CPA6: variants seen among roughly 807,000 people sequenced by gnomAD.
The protein encoded by CPA6 is carboxypeptidase B.
CPA6 carries 58 observed loss-of-function variants against 63.3 expected under a neutral mutation model. The ratio of observed to expected loss-of-function variants is 0.92; its 90% CI spans 0.74 to 1.14. The LOEUF is 1.14. Among genes scored for constraint, CPA6 ranks in the 50% most tolerant of loss-of-function variants. The probability of loss-of-function intolerance (pLI) is 0.00; values close to 1 mark genes in which losing one functional copy is unlikely to be tolerated. For missense variants in CPA6, 565 were observed against 526.6 expected, an observed-to-expected ratio of 1.07 and a Z score of -0.71; for synonymous variants, 185 against 179.0, an observed-to-expected ratio of 1.03 and a Z score of -0.27.
chr8:67,444,854 G>A (rs891838155), intron 8 of CPA6, among the ~76,000 whole-genome samples: 2 of 151,946 alleles, frequency 1.3e-5, no homozygotes, highest in East Asian at 1.9e-4. Context: ...AAAGAGGCAA[G>A]GAGTATAACA....
In CPA6 at chr8:67,511,598, C is replaced by G. The variant is rs911302349; in HGVS notation, c.375G>C (p.Gln125His). The change falls in exon 4 of 11, where the codon CAG becomes CAC. Residue 125 changes from glutamine to histidine, a missense_variant. Physicochemically the swap from Gln to His is conservative, Grantham distance 24 (BLOSUM62 0). Coordinates refer to ENST00000297770, the MANE Select transcript of CPA6 (RefSeq NM_020361.5). Reference sequence around the variant, plus strand: ...ATCCAGAGAGGGATCTTCGGTTTCTCTGGGTGTGCAAGCTGCTTCCCTTCT... The same window carrying G: ...ATCCAGAGAGGGATCTTCGGTTTCTGTGGGTGTGCAAGCTGCTTCCCTTCT... Reference protein sequence around the residue: ...TLEKGSSLHTQRNRRSLSGYN... With the variant: ...TLEKGSSLHTHRNRRSLSGYN... 6.2e-7 allele frequency: 1 copy of G among 1,613,046 alleles called. No homozygotes were observed. The highest frequency in any genetic ancestry group is 8.5e-7 in the Non-Finnish European group (1 of 1,179,116).
intron 2 of CPA6, among the ~76,000 whole-genome samples, chr8:67,541,370 GCAGA>G (rs1174824032): frequency 6.6e-6 from 1 of 152,074 alleles, no homozygotes; most frequent in Non-Finnish European, 1.5e-5. Context: ...AAATCCACAA[GCAGA>G]CAGCCCAGCA....
intron 1 of CPA6, among the ~76,000 whole-genome samples, chr8:67,743,084 C>T (rs1054425438): frequency 3.3e-5 from 5 of 152,122 alleles, no homozygotes; most frequent in African/African-American, 9.7e-5. Flanking sequence ...CACTTACTGA[C>T]GGACATTTAT....
chr8:67,616,614 T>C (rs1814959517), intron 2 of CPA6, among the ~76,000 whole-genome samples: 1 of 151,780 alleles, frequency 6.6e-6, no homozygotes, highest in African/African-American at 2.4e-5. Flanking sequence ...GACTCTCTTG[T>C]ACATACCTTA....
intron 2 of CPA6, among the ~76,000 whole-genome samples, chr8:67,600,179 A>T (rs1814456843): frequency 6.6e-6 from 1 of 152,062 alleles, no homozygotes; most frequent in Admixed American, 6.6e-5. Context: ...CAGCCAAAAG[A>T]CACATGAAAA....
chr8:67,483,673 C>A (rs747500092), intron 8 of CPA6, 95 bp downstream of exon 8: 1 of 979,252 alleles, frequency 1.0e-6, no homozygotes, highest in Non-Finnish European at 1.7e-6. Flanking sequence ...TACAGAAAAA[C>A]ATGAGTCTCC....
chr8:67,554,214 C>T (rs149877881), intron 2 of CPA6, among the ~76,000 whole-genome samples: 2 of 152,196 alleles, frequency 1.3e-5, no homozygotes, highest in African/African-American at 2.4e-5. Context: ...AATTGGCTCA[C>T]GATTCTGCAG....
chr8:67,659,390 C>T (rs1050543299), intron 1 of CPA6, among the ~76,000 whole-genome samples: 3 of 152,046 alleles, frequency 2.0e-5, no homozygotes, highest in African/African-American at 4.8e-5. Flanking sequence ...CAGCACTACA[C>T]GTAAAGTGGG....
intron 2 of CPA6, among the ~76,000 whole-genome samples, chr8:67,559,910 G>T (rs1587562235): frequency 6.6e-6 from 1 of 151,084 alleles, no homozygotes; most frequent in Non-Finnish European, 1.5e-5. Flanking sequence ...GTTTTTATAA[G>T]AGAGGCCCCA....
chr8:67,469,153 A>G (rs755095455), intron 8 of CPA6, among the ~76,000 whole-genome samples: 1 of 152,228 alleles, frequency 6.6e-6, no homozygotes, highest in Non-Finnish European at 1.5e-5. Context: ...CAATTTGGCT[A>G]GGCCACAGCA....
intron 8 of CPA6, among the ~76,000 whole-genome samples, chr8:67,443,833 G>A (rs1236323890): frequency 1.3e-5 from 2 of 152,180 alleles, no homozygotes; most frequent in East Asian, 1.9e-4. Flanking sequence ...ACAGCTGGAG[G>A]TAGGACAGTG....
intron 1 of CPA6, among the ~76,000 whole-genome samples, chr8:67,630,880 G>A (rs897268807): frequency 5.9e-5 from 9 of 152,232 alleles, no homozygotes; most frequent in African/African-American, 1.4e-4. Context: ...CAGCAGCTGC[G>A]GAGGCTGCAC....
At chr8:67,730,374 T>C (rs942619004) in intron 1 of CPA6, among the ~76,000 whole-genome samples, 1 of 152,200 alleles carries the variant, frequency 6.6e-6, no homozygotes, top group Non-Finnish European at 1.5e-5. Flanking sequence ...GTCCCAGAAC[T>C]TCCAGACCCT....
chr8:67,489,795 T>C (rs1262581082), intron 6 of CPA6, among the ~76,000 whole-genome samples: 1 of 152,216 alleles, frequency 6.6e-6, no homozygotes, highest in Non-Finnish European at 1.5e-5. Flanking sequence ...ATATTGTTAT[T>C]TTGGCCTTAT....
At chr8:67,619,025 AC>A in intron 2 of CPA6, among the ~76,000 whole-genome samples, 1 of 152,102 alleles carries the variant, frequency 6.6e-6, no homozygotes, top group South Asian at 2.1e-4. Context: ...TAGGAAAGTA[AC>A]CAGCTTTGTA....
intron 2 of CPA6, among the ~76,000 whole-genome samples, chr8:67,574,549 C>T (rs72657232): frequency 0.11 from 16,106 of 152,024 alleles, 931 homozygotes; most frequent in Middle Eastern, 0.2. Context: ...GACACATTGA[C>T]CAATGGAACA....
chr8:67,625,544 A>G (rs1815176410), intron 1 of CPA6, among the ~76,000 whole-genome samples: 2 of 152,180 alleles, frequency 1.3e-5, no homozygotes, highest in Admixed American at 6.5e-5. Context: ...AATAATCACA[A>G]CTATTCAATG....
At chr8:67,593,789 G>T (rs2128981577) in intron 2 of CPA6, among the ~76,000 whole-genome samples, 1 of 148,236 alleles carries the variant, frequency 6.7e-6, no homozygotes, top group East Asian at 2.0e-4. Flanking sequence ...CTGCACGTGA[G>T]ATGGGTTTCC....
At chr8:67,552,644 G>A (rs1190104969) in intron 2 of CPA6, among the ~76,000 whole-genome samples, 15 of 151,504 alleles carry the variant, frequency 9.9e-5, no homozygotes, top group Admixed American at 2.0e-4. Context: ...GTGGTGGCAC[G>A]TGCCTGTAGT....
Sources: allele counts gnomAD v4.1 joint callset (sites outside exome capture counted in the v4.1 genomes callset), GRCh38; gene constraint gnomAD v4.1.1; transcripts MANE v1.5; gene names NCBI Gene and HGNC (gene_info 2026-07-23, HGNC 2026-07-21).